Variants in PCNX1 observed in about 807,000 individuals in gnomAD.
PCNX1 encodes pecanex-like protein 1.
Under a neutral mutation model 242.2 loss-of-function variants are expected in PCNX1, and 78 were observed. The ratio of observed to expected loss-of-function variants is 0.32; its 90% confidence interval spans 0.27 to 0.39. The LOEUF is 0.39. Ranked by LOEUF, PCNX1 falls within the 10% of genes least tolerant of loss-of-function variation. The pLI, the probability that PCNX1 is intolerant of heterozygous loss-of-function variation, is 1.00. For missense variants in PCNX1, 2,581 were observed against 2,856.5 expected (o/e 0.90, Z 2.20); for synonymous variants, 1,024 against 1,032.9 (o/e 0.99, Z 0.17).
chr14:70,956,762 G>A (rs545704914), intron 2 of PCNX1, among the ~76,000 whole-genome samples: 9 of 152,168 alleles, frequency 5.9e-5, no homozygotes, highest in East Asian at 5.8e-4. Context: ...CCCCTCCCAC[G>A]TGAACTCCAG....
intron 18 of PCNX1, among the ~76,000 whole-genome samples, chr14:71,035,126 C>CCCTGAGCTCAGGGGT (rs751753638): frequency 2.2e-4 from 34 of 151,956 alleles, no homozygotes; most frequent in Non-Finnish European, 2.8e-4. Context: ...CTGGAGGATC[C>CCCTGAGCTCAGGGGT]CCTGAGCTCA....
intron 33 of PCNX1, among the ~76,000 whole-genome samples, chr14:71,106,573 G>C (rs1248531492): frequency 6.7e-6 from 1 of 150,164 alleles, no homozygotes; most frequent in African/African-American, 2.5e-5. Context: ...AAACCAGTTG[G>C]TACTCTCACC....
intron 21 of PCNX1, among the ~76,000 whole-genome samples, chr14:71,047,428 A>G (rs185487991): frequency 1.3e-5 from 2 of 152,248 alleles, no homozygotes. Context: ...CTCCATAGTC[A>G]TCCGATGAGC....
Position 71,053,476 on chromosome 14 carries a change from C to T in PCNX1, c.4577+1464C>T, listed in dbSNP as rs2061097133. 4.1e-5 allele frequency: 14 copies of T among 341,240 alleles called. 1 individual carries two copies. Among genetic ancestry groups the T allele is most frequent in the South Asian group, 2.9e-4 (13 of 44,506 alleles). 21.1% of individuals were successfully genotyped at this position (341,240 alleles called of 1,614,324 possible). A position where few individuals can be genotyped will look rare whatever the true frequency, so the allele number is the denominator to read the frequency against. ...GGGATTACAGGCGCCCACCAGCACA[C>T]CTGGCTATTTTTTGTATTTTTAGTT... On this transcript the variant is annotated intron_variant, in intron 24 of 35. Coordinates refer to ENST00000304743, the MANE Select transcript of PCNX1 (RefSeq NM_014982.3).
chr14:70,961,134 A>G (rs1318245477), intron 2 of PCNX1, among the ~76,000 whole-genome samples: 1 of 152,214 alleles, frequency 6.6e-6, no homozygotes, highest in Non-Finnish European at 1.5e-5. Flanking sequence ...CAACCTACCA[A>G]TGACTTTCTT....
At chr14:71,035,836 G>T (rs2060514503) in intron 18 of PCNX1, among the ~76,000 whole-genome samples, 1 of 152,172 alleles carries the variant, frequency 6.6e-6, no homozygotes, top group Admixed American at 6.5e-5. Context: ...TTGAACCCAG[G>T]AGGTGGAGGT....
chr14:70,920,067 T>A (rs1208176733), intron 1 of PCNX1, among the ~76,000 whole-genome samples: 1 of 152,146 alleles, frequency 6.6e-6, no homozygotes, highest in East Asian at 1.9e-4. Context: ...TCACTCCTTG[T>A]TTGAGTGTTG....
At chr14:71,010,918 C>T (rs1459813836) in intron 9 of PCNX1, among the ~76,000 whole-genome samples, 1 of 152,024 alleles carries the variant, frequency 6.6e-6, no homozygotes, top group African/African-American at 2.4e-5. Flanking sequence ...TTTCAGAATT[C>T]ACCCTCTCAA....
chr14:70,950,662 A>G (rs1438975877), intron 2 of PCNX1, among the ~76,000 whole-genome samples: 1 of 152,036 alleles, frequency 6.6e-6, no homozygotes, highest in Non-Finnish European at 1.5e-5. Flanking sequence ...AAAAACTGTG[A>G]TATCTCATTG....
intron 19 of PCNX1, among the ~76,000 whole-genome samples, chr14:71,040,648 G>A (rs1369633585): frequency 6.6e-6 from 1 of 151,882 alleles, no homozygotes; most frequent in Non-Finnish European, 1.5e-5. Context: ...GGTAAATGGG[G>A]TATTCATCCC....
At chr14:71,039,442 A>G (rs116133617) in intron 19 of PCNX1, among the ~76,000 whole-genome samples, 1,787 of 152,158 alleles carry the variant, frequency 0.012, 33 homozygotes, top group African/African-American at 0.041. Context: ...TAGGCTGCCT[A>G]ACTGTACTCA....
At chr14:70,955,276 A>G (rs1397395284) in intron 2 of PCNX1, among the ~76,000 whole-genome samples, 1 of 152,190 alleles carries the variant, frequency 6.6e-6, no homozygotes, top group South Asian at 2.1e-4. Context: ...CTACGGATCA[A>G]TTTAAACTGT....
chr14:71,072,978 G>A (rs1444532422), intron 26 of PCNX1, among the ~76,000 whole-genome samples: 1 of 152,192 alleles, frequency 6.6e-6, no homozygotes, highest in East Asian at 1.9e-4. Context: ...AAATCAGTAA[G>A]TCAAAATTAA....
At chr14:71,050,866 T>G in intron 23 of PCNX1, 106 bp downstream of exon 23, 1 of 1,059,068 alleles carries the variant, frequency 9.4e-7, no homozygotes, top group East Asian at 2.6e-5. Flanking sequence ...GTGTAATGAA[T>G]TATCAAAAAT....
At chr14:71,050,519 G>A (rs1475735233) in intron 22 of PCNX1, 133 bp from the exon 23 acceptor site, 3 of 695,698 alleles carry the variant, frequency 4.3e-6, no homozygotes, top group African/African-American at 3.7e-5. Context: ...TTATGTAAAT[G>A]GCAAATAATT....
At chr14:71,103,787 AC>A in intron 32 of PCNX1, 118 bp downstream of exon 32, 1 of 811,940 alleles carries the variant, frequency 1.2e-6, no homozygotes, top group Non-Finnish European at 1.9e-6. Flanking sequence ...TACAATATGA[AC>A]CCATTATTTC....
intron 28 of PCNX1, among the ~76,000 whole-genome samples, chr14:71,086,457 T>C (rs937467310): frequency 6.6e-6 from 1 of 152,230 alleles, no homozygotes; most frequent in Non-Finnish European, 1.5e-5. Context: ...TCTTGAACTT[T>C]GTTTTGTGAC....
chr14:70,953,906 G>C (rs1171199106), intron 2 of PCNX1, among the ~76,000 whole-genome samples: 1 of 151,986 alleles, frequency 6.6e-6, no homozygotes, highest in Non-Finnish European at 1.5e-5. Context: ...GACCTCAGGT[G>C]ATCCACCCGC....
intron 1 of PCNX1, among the ~76,000 whole-genome samples, chr14:70,935,780 A>G (rs2056977360): frequency 6.6e-6 from 1 of 152,208 alleles, no homozygotes; most frequent in African/African-American, 2.4e-5. Flanking sequence ...AGTGTGGTAT[A>G]TAGCAAAATA....
Sources: gnomAD v4.1 joint callset for allele counts (sites outside exome capture counted in the v4.1 genomes callset) on GRCh38, gnomAD v4.1.1 for gene constraint, MANE v1.5 for transcripts, NCBI Gene and HGNC (gene_info 2026-07-23, HGNC 2026-07-21) for gene names.